RANBP2: variants seen among roughly 807,000 people sequenced by gnomAD.
RANBP2 encodes E3 SUMO-protein ligase RanBP2.
In RANBP2, 57 loss-of-function variants were observed where a neutral mutation model predicts 303.6. The observed-to-expected ratio is 0.19, with a 90% CI of 0.15 to 0.23. RANBP2 has a LOEUF of 0.23. Ranked by LOEUF, RANBP2 falls within the 10% of genes least tolerant of loss-of-function variation. The pLI, the probability that RANBP2 is intolerant of heterozygous loss-of-function variation, is 1.00. For missense variants in RANBP2, 3,138 were observed against 3,780.8 expected (o/e 0.83, Z 4.46); for synonymous variants, 1,167 against 1,301.5 (o/e 0.90, Z 2.23).
the RANBP2 span, among the ~76,000 whole-genome samples, chr2:109,563,772 C>T: frequency 6.6e-6 from 1 of 152,220 alleles, no homozygotes; most frequent in Admixed American, 6.5e-5. Context: ...AAGCTTCACT[C>T]ATTCCAAAAC....
At position 108,767,908 on chromosome 2, in the gene RANBP2, A is replaced by T; in HGVS notation, c.7369A>T (p.Ser2457Cys). ...GATAACACCTCATGTTTCTCGGTCA[A>T]GCACTCCCAGAGAGTCACCATGTGG... ...SLITPHVSRSSTPRESPCGKI... is the reference protein window; with the variant it reads ...SLITPHVSRSCTPRESPCGKI... The change falls in exon 20 of 29, where the codon AGC (serine) becomes TGC (cysteine). Residue 2457 changes from serine to cysteine, a missense_variant. Ser to Cys is a moderately radical substitution (Grantham distance 112). This residue lies in a region of RANBP2 where 92 missense variants were observed against 211.0 expected (regional missense o/e 0.44). Transcript: ENST00000283195. 6.2e-7 allele frequency: 1 copy of T among 1,611,548 alleles called. No homozygotes were observed. Among genetic ancestry groups the T allele is most frequent in the Non-Finnish European group, 8.5e-7 (1 of 1,179,748 alleles).
At chr2:109,589,141 GTTTT>G in the RANBP2 span, among the ~76,000 whole-genome samples, 1 of 151,860 alleles carries the variant, frequency 6.6e-6, no homozygotes, top group African/African-American at 2.4e-5. Flanking sequence ...GGTTTGTTTT[GTTTT>G]TTGTTTTTCT....
chr2:109,248,939 T>G, the RANBP2 span, among the ~76,000 whole-genome samples: 1 of 148,878 alleles, frequency 6.7e-6, no homozygotes, highest in Non-Finnish European at 1.5e-5. Context: ...CCTGTCTTGC[T>G]CTGTCACCCA....
At chr2:109,158,756 G>A in the RANBP2 span, among the ~76,000 whole-genome samples, 1 of 152,226 alleles carries the variant, frequency 6.6e-6, no homozygotes, top group African/African-American at 2.4e-5. Context: ...AAGTTGCTAA[G>A]TGTTTCTTTC....
rs1481313314 is a variant in RANBP2, at chr2:108,775,760, C to T, written c.8321C>T (p.Thr2774Ile). 1 of 1,613,686 alleles carries T rather than the reference C, an allele frequency of 6.2e-7. No homozygotes were observed. Among genetic ancestry groups the T allele is most frequent in the Non-Finnish European group, 8.5e-7 (1 of 1,179,904 alleles). The change falls in exon 24 of 29, where the codon ACA (threonine) becomes ATA (isoleucine). Residue 2774 changes from threonine to isoleucine, a missense_variant. Physicochemically the swap from Thr to Ile is moderately conservative, Grantham distance 89. Transcript: ENST00000283195. Reference protein sequence around the residue: ...QKSQTEEITSTTDSVYTGGTE... With the variant: ...QKSQTEEITSITDSVYTGGTE... ...TCTCAGACAGAAGAAATAACTAGCA[C>T]AACTGACAGTGTATATACAGGTGGG...
At chr2:109,563,590 C>T in the RANBP2 span, among the ~76,000 whole-genome samples, 3 of 152,180 alleles carry the variant, frequency 2.0e-5, no homozygotes, top group South Asian at 6.2e-4. Flanking sequence ...TGGGATACAG[C>T]ACCATATAAA....
chr2:109,494,893 A>G, the RANBP2 span, among the ~76,000 whole-genome samples: 3 of 152,158 alleles, frequency 2.0e-5, no homozygotes, highest in Admixed American at 6.5e-5. Context: ...GAGGAAGGAC[A>G]TTCAAGTAGA....
chr2:109,650,495 G>T, the RANBP2 span, among the ~76,000 whole-genome samples: 5 of 152,122 alleles, frequency 3.3e-5, no homozygotes, highest in Admixed American at 3.3e-4. Context: ...CCGGGCAGGG[G>T]TCCCACTTTC....
rs1179206016 is a variant in RANBP2, at chr2:108,751,427, A to G, written c.1437A>G (p.Ile479Met). 2 of 1,611,900 alleles carry G rather than the reference A, an allele frequency of 1.2e-6. No homozygotes were observed. Among genetic ancestry groups the G allele is most frequent in the African/African-American group, 1.3e-5 (1 of 74,860 alleles). Residue 479 changes from isoleucine to methionine, a missense_variant, in exon 10 of 29, where the codon ATA becomes ATG. By Grantham distance (10) the Ile-to-Met change is conservative (BLOSUM62 1). Coordinates refer to ENST00000283195, the MANE Select transcript of RANBP2 (RefSeq NM_006267.5). ...TTGAAACAAATGCACCTGAATCAAT[A>G]TGTATTTTAGATCTTGAAGTAAGCA... Reference protein sequence around the residue: ...SRLETNAPESICILDLEVFLL... With the variant: ...SRLETNAPESMCILDLEVFLL...
At chr2:109,568,717 G>A in the RANBP2 span, among the ~76,000 whole-genome samples, 3 of 152,066 alleles carry the variant, frequency 2.0e-5, no homozygotes, top group African/African-American at 7.2e-5. Flanking sequence ...TAAGCACTAA[G>A]TAACCAGGGT....
the RANBP2 span, among the ~76,000 whole-genome samples, chr2:109,276,098 C>G: frequency 6.6e-6 from 1 of 152,102 alleles, no homozygotes; most frequent in African/African-American, 2.4e-5. Flanking sequence ...GAAGGGGGAT[C>G]TCGGACCCAG....
the RANBP2 span, among the ~76,000 whole-genome samples, chr2:109,091,221 T>C: frequency 3.3e-5 from 5 of 151,922 alleles, no homozygotes; most frequent in African/African-American, 9.7e-5. Flanking sequence ...CAGAGCAAGA[T>C]TCTGTCTCTT....
chr2:109,215,229 T>G, the RANBP2 span, among the ~76,000 whole-genome samples: 1 of 152,098 alleles, frequency 6.6e-6, no homozygotes, highest in Admixed American at 6.5e-5. Context: ...GCCCCCTTAC[T>G]AATGTCACGG....
the RANBP2 span, among the ~76,000 whole-genome samples, chr2:109,378,357 G>A: frequency 6.6e-6 from 1 of 152,218 alleles, no homozygotes; most frequent in East Asian, 1.9e-4. Flanking sequence ...GAGAGGGATG[G>A]AAGGATGGGG....
chr2:109,552,816 G>A, the RANBP2 span: 2 of 349,396 alleles, frequency 5.7e-6, no homozygotes, highest in African/African-American at 4.3e-5. Flanking sequence ...CACCCAAGAG[G>A]GTAGCTGCTG....
the RANBP2 span, among the ~76,000 whole-genome samples, chr2:109,313,278 C>T: frequency 1.3e-5 from 2 of 152,322 alleles, no homozygotes; most frequent in Non-Finnish European, 2.9e-5. Flanking sequence ...CAGGCCTTAC[C>T]CCAAACCTGC....
the RANBP2 span, chr2:109,313,775 G>C: frequency 6.4e-6 from 1 of 155,150 alleles, no homozygotes; most frequent in Admixed American, 6.5e-5. Context: ...GGGGTCAGCT[G>C]CTCCAGGCAG....
chr2:109,205,142 G>A, the RANBP2 span, among the ~76,000 whole-genome samples: 12 of 152,142 alleles, frequency 7.9e-5, no homozygotes, highest in Non-Finnish European at 1.5e-4. Context: ...AAGAGATTGA[G>A]GCTACAATGA....
At chr2:109,423,486 C>T in the RANBP2 span, among the ~76,000 whole-genome samples, 1 of 152,196 alleles carries the variant, frequency 6.6e-6, no homozygotes, top group South Asian at 2.1e-4. Context: ...GCTGACCAAA[C>T]CATGCCAACA....
Sources: gnomAD v4.1 joint callset for allele counts (sites outside exome capture counted in the v4.1 genomes callset) on GRCh38, gnomAD v4.1.1 for gene constraint, gnomAD v4.1.1 regional missense constraint, MANE v1.5 for transcripts, NCBI Gene and HGNC (gene_info 2026-07-23, HGNC 2026-07-21) for gene names.